The following LIMCH1 variants were observed in gnomAD, a reference collection of about 807,000 sequenced individuals.
LIMCH1 encodes LIM and calponin homology domains 1, also known as LIM and calponin homology domains-containing protein 1.
A neutral mutation model predicts 176.5 loss-of-function variants in LIMCH1; 113 were observed. The observed-to-expected ratio is 0.64, with a 90% confidence interval of 0.55 to 0.75. The LOEUF is 0.75. Ranked by LOEUF, LIMCH1 falls within the 30% of genes least tolerant of loss-of-function variation. The pLI is 0.00. For missense variants in LIMCH1, 1,674 were observed against 1,814.9 expected (o/e 0.92, Z 1.41); for synonymous variants, 619 against 645.9 (o/e 0.96, Z 0.63).
chr4:41,388,647 C>T (rs1008388558), intron 1 of LIMCH1, among the ~76,000 whole-genome samples: 1 of 151,058 alleles, frequency 6.6e-6, no homozygotes, highest in African/African-American at 2.4e-5. Context: ...ATCCATTAAG[C>T]TTTTTTGTTT....
At chr4:41,582,994 T>C (rs1314627683) in intron 1 of LIMCH1, among the ~76,000 whole-genome samples, 2 of 152,318 alleles carry the variant, frequency 1.3e-5, no homozygotes, top group East Asian at 3.9e-4. Context: ...AAGTGGACAG[T>C]TCAATGGTGT....
chr4:41,438,734 G>A (rs191771024), intron 1 of LIMCH1, among the ~76,000 whole-genome samples: 13 of 150,826 alleles, frequency 8.6e-5, no homozygotes, highest in African/African-American at 2.7e-4. Context: ...TTTCCAATCC[G>A]CTGTAATACA....
intron 1 of LIMCH1, among the ~76,000 whole-genome samples, chr4:41,448,100 C>T (rs1221443792): frequency 6.6e-6 from 1 of 152,018 alleles, no homozygotes; most frequent in Non-Finnish European, 1.5e-5. Flanking sequence ...CTGGGAGTAA[C>T]ACTTTAAAAA....
chr4:41,506,228 A>T (rs2074143028), intron 2 of LIMCH1, among the ~76,000 whole-genome samples: 1 of 152,216 alleles, frequency 6.6e-6, no homozygotes, highest in South Asian at 2.1e-4. Context: ...TTTTCCAAAG[A>T]TAAGAAATCT....
At chr4:41,651,048 C>G (rs1157006296) in intron 18 of LIMCH1, among the ~76,000 whole-genome samples, 1 of 145,114 alleles carries the variant, frequency 6.9e-6, no homozygotes, top group African/African-American at 2.7e-5. Flanking sequence ...CTCTTTTTGC[C>G]TAGGCTGGAG....
chr4:41,547,863 G>GTGTGTGTATATATA (rs774873739), intron 1 of LIMCH1, among the ~76,000 whole-genome samples: 4 of 93,220 alleles, frequency 4.3e-5, no homozygotes, highest in African/African-American at 1.7e-4. Flanking sequence ...TTGTGTGTGT[G>GTGTGTGTATATATA]TATATATATA....
At position 41,470,556 on chromosome 4, in the gene LIMCH1, T is replaced by C. The variant is rs1382007546; in HGVS notation, c.97-23980T>C. Reference sequence around the variant, plus strand: ...AGTTGACTATGCTATTCCTCCTTTATCCACTCCAGTGTACACTTCTCCTCA... The same window carrying C: ...AGTTGACTATGCTATTCCTCCTTTACCCACTCCAGTGTACACTTCTCCTCA... On this transcript the variant is annotated intron_variant, in intron 1 of 26. Transcript: ENST00000313860. 2.0e-5 allele frequency among the ~76,000 whole-genome samples: 3 copies of C among 152,342 alleles called. No individual in the cohort carries two copies. In the East Asian group the frequency reaches 5.8e-4, roughly 29 times the overall value.
chr4:41,540,061 G>A (rs2078422288), intron 1 of LIMCH1, among the ~76,000 whole-genome samples: 1 of 152,194 alleles, frequency 6.6e-6, no homozygotes, highest in Admixed American at 6.5e-5. Context: ...AGAGTGAGAT[G>A]GCCTGAGTTC....
intron 30 of LIMCH1, among the ~76,000 whole-genome samples, chr4:41,690,327 C>A (rs201328755): frequency 3.3e-5 from 5 of 152,100 alleles, no homozygotes; most frequent in Admixed American, 2.0e-4. Flanking sequence ...AATATTTTTA[C>A]GTGAATGAAT....
At chr4:41,378,124 C>A (rs907464200) in intron 1 of LIMCH1, among the ~76,000 whole-genome samples, 2 of 152,144 alleles carry the variant, frequency 1.3e-5, no homozygotes, top group Non-Finnish European at 2.9e-5. Context: ...TGAGCAGAGG[C>A]ATGGAGGTGT....
intron 2 of LIMCH1, among the ~76,000 whole-genome samples, chr4:41,503,129 C>A (rs1281199700): frequency 6.6e-6 from 1 of 152,004 alleles, no homozygotes; most frequent in Non-Finnish European, 1.5e-5. Flanking sequence ...CTACTATTAG[C>A]TTTTAGCTTA....
intron 22 of LIMCH1, among the ~76,000 whole-genome samples, chr4:41,675,919 G>A (rs1383281500): frequency 6.6e-6 from 1 of 152,178 alleles, no homozygotes; most frequent in Non-Finnish European, 1.5e-5. Context: ...AGGGAAAAGT[G>A]GTATGGAAAA....
chr4:41,376,521 C>G (rs1242865439), intron 1 of LIMCH1, among the ~76,000 whole-genome samples: 1 of 152,006 alleles, frequency 6.6e-6, no homozygotes, highest in Non-Finnish European at 1.5e-5. Context: ...AATAATCTTT[C>G]TGTGATCTGT....
At chr4:41,671,058 T>TAAAAAA in intron 21 of LIMCH1, 2 of 611,330 alleles carry the variant, frequency 3.3e-6, no homozygotes, top group Non-Finnish European at 4.0e-6. Flanking sequence ...CCCCTGCCTT[T>TAAAAAA]AAAAAAAAAA....
At chr4:41,601,155 G>A (rs1397680170) in intron 2 of LIMCH1, among the ~76,000 whole-genome samples, 4 of 152,140 alleles carry the variant, frequency 2.6e-5, no homozygotes, top group Non-Finnish European at 4.4e-5. Context: ...GCTTCTGTGT[G>A]TTAGATACTT....
intron 1 of LIMCH1, among the ~76,000 whole-genome samples, chr4:41,539,392 C>T (rs2152468399): frequency 6.6e-6 from 1 of 152,294 alleles, no homozygotes; most frequent in East Asian, 1.9e-4. Flanking sequence ...CGAGAGGCTG[C>T]AAGTGTCAGC....
At chr4:41,659,397 A>G (rs2152972445) in intron 18 of LIMCH1, among the ~76,000 whole-genome samples, 1 of 152,298 alleles carries the variant, frequency 6.6e-6, no homozygotes, top group African/African-American at 2.4e-5. Context: ...TCCATCCTCC[A>G]AAGAAAAATC....
intron 8 of LIMCH1, among the ~76,000 whole-genome samples, chr4:41,628,757 C>A (rs1453120491): frequency 6.6e-6 from 1 of 152,184 alleles, no homozygotes; most frequent in Non-Finnish European, 1.5e-5. Context: ...CTAAGGTTCA[C>A]TTCATAGGAG....
At chr4:41,468,351 T>TC (rs1344622070) in intron 1 of LIMCH1, among the ~76,000 whole-genome samples, 96 of 20,166 alleles carry the variant, frequency 4.8e-3, no homozygotes, top group African/African-American at 0.011. Context: ...CCCCTCCTCC[T>TC]CCTCCCTCCC....
Sources: gnomAD v4.1 joint callset for allele counts (sites outside exome capture counted in the v4.1 genomes callset) on GRCh38, gnomAD v4.1.1 for gene constraint, MANE v1.5 for transcripts, NCBI Gene and HGNC (gene_info 2026-07-23, HGNC 2026-07-21) for gene names.